Variants in VDAC1 observed in about 807,000 individuals in gnomAD.
VDAC1 encodes the protein voltage dependent anion channel 1, also known as non-selective voltage-gated ion channel VDAC1.
Under a neutral mutation model 34.7 loss-of-function variants are expected in VDAC1, and 10 were observed. The observed-to-expected ratio is 0.29, with a 90% CI of 0.18 to 0.49. The LOEUF is 0.49. Among genes scored for constraint, VDAC1 ranks in the 20% least tolerant of loss-of-function variants. The pLI is 0.99. For missense variants in VDAC1, 230 were observed against 347.9 expected (o/e 0.66, Z 2.69); for synonymous variants, 130 against 136.0 (o/e 0.96, Z 0.30).
chr5:134,015,420 C>A, the VDAC1 span, among the ~76,000 whole-genome samples: 1 of 152,076 alleles, frequency 6.6e-6, no homozygotes, highest in Non-Finnish European at 1.5e-5. Flanking sequence ...AGAGCAAGCC[C>A]ACAACACACA....
At chr5:134,021,180 C>A in the VDAC1 span, among the ~76,000 whole-genome samples, 1 of 147,446 alleles carries the variant, frequency 6.8e-6, no homozygotes, top group African/African-American at 2.5e-5. Context: ...CAGAATGAGA[C>A]CTTGTCTTTT....
At chr5:134,092,798 T>C in the VDAC1 span, among the ~76,000 whole-genome samples, 1 of 152,108 alleles carries the variant, frequency 6.6e-6, no homozygotes, top group South Asian at 2.1e-4. Flanking sequence ...ACAAAGGTAT[T>C]ATACTTATAG....
At chr5:133,980,651 A>AAC (rs1363391132) in intron 6 of VDAC1, 78 bp downstream of exon 6, 1 of 991,546 alleles carries the variant, frequency 1.0e-6, no homozygotes, top group Non-Finnish European at 1.4e-6. Context: ...AAAAAAAAAA[A>AAC]AACAGTGAAA....
At chr5:134,056,334 G>T in the VDAC1 span, among the ~76,000 whole-genome samples, 1 of 151,002 alleles carries the variant, frequency 6.6e-6, no homozygotes, top group Non-Finnish European at 1.5e-5. Context: ...ACATAAAGAT[G>T]TGCAGCTATG....
At chr5:134,039,597 G>A in the VDAC1 span, among the ~76,000 whole-genome samples, 7 of 152,294 alleles carry the variant, frequency 4.6e-5, no homozygotes, top group South Asian at 4.1e-4. Flanking sequence ...CCAAAGTGCT[G>A]GGATTACAGG....
At chr5:134,025,188 C>T in the VDAC1 span, among the ~76,000 whole-genome samples, 2 of 152,200 alleles carry the variant, frequency 1.3e-5, no homozygotes, top group African/African-American at 4.8e-5. Context: ...CTGCTTCTGG[C>T]ATGGCCCTCA....
At chr5:134,038,982 A>G in the VDAC1 span, among the ~76,000 whole-genome samples, 2 of 152,252 alleles carry the variant, frequency 1.3e-5, no homozygotes, top group Middle Eastern at 3.4e-3. Flanking sequence ...GTAAAGGCCC[A>G]GTAATAGACA....
the VDAC1 span, among the ~76,000 whole-genome samples, chr5:134,032,590 C>T: frequency 2.6e-5 from 4 of 152,160 alleles, no homozygotes; most frequent in East Asian, 5.8e-4. Flanking sequence ...GAATGAGCCA[C>T]GGTATGACCC....
chr5:134,029,175 G>A, the VDAC1 span, among the ~76,000 whole-genome samples: 2 of 152,212 alleles, frequency 1.3e-5, no homozygotes, highest in Non-Finnish European at 2.9e-5. Context: ...CCATGTGAGT[G>A]AGCCACCTTG....
upstream of VDAC1, among the ~76,000 whole-genome samples, chr5:134,007,430 G>A (rs3776843): frequency 0.2 from 30,902 of 151,986 alleles, 3,442 homozygotes; most frequent in East Asian, 0.45. Flanking sequence ...GCAAGTTCCC[G>A]TCTCAAGAAA....
chr5:134,044,588 C>T, the VDAC1 span, among the ~76,000 whole-genome samples: 1 of 152,056 alleles, frequency 6.6e-6, no homozygotes, highest in South Asian at 2.1e-4. Context: ...TGTCTGTGTG[C>T]ACATACCCAT....
upstream of VDAC1, among the ~76,000 whole-genome samples, chr5:134,008,005 C>A (rs1753783209): frequency 6.6e-6 from 1 of 152,132 alleles, no homozygotes; most frequent in South Asian, 2.1e-4. Context: ...TTTCCCTCTC[C>A]TTTTGGTCAG....
At chr5:134,035,805 G>C in the VDAC1 span, among the ~76,000 whole-genome samples, 2 of 152,018 alleles carry the variant, frequency 1.3e-5, no homozygotes, top group African/African-American at 2.4e-5. Context: ...AGGAGTTCAA[G>C]ACCAGCCTGG....
At chr5:133,975,659 G>A (rs759867319) in intron 7 of VDAC1, among the ~76,000 whole-genome samples, 1 of 151,834 alleles carries the variant, frequency 6.6e-6, no homozygotes, top group Non-Finnish European at 1.5e-5. Flanking sequence ...GGGTTTCACC[G>A]TGTTGGCGAG....
the VDAC1 span, among the ~76,000 whole-genome samples, chr5:134,016,691 G>GA: frequency 2.6e-5 from 4 of 152,274 alleles, no homozygotes; most frequent in East Asian, 7.7e-4. Context: ...CAGGGAGCAT[G>GA]AAAAATAGAA....
chr5:134,059,801 C>T, the VDAC1 span, among the ~76,000 whole-genome samples: 5 of 151,944 alleles, frequency 3.3e-5, no homozygotes, highest in African/African-American at 1.2e-4. Context: ...AACTTAAATG[C>T]TACCCAAATT....
chr5:134,108,533 G>C, the VDAC1 span, among the ~76,000 whole-genome samples: 1 of 152,194 alleles, frequency 6.6e-6, no homozygotes, highest in Non-Finnish European at 1.5e-5. Flanking sequence ...TCCTGGGCTG[G>C]AGAGGGGTGA....
the VDAC1 span, among the ~76,000 whole-genome samples, chr5:134,055,392 G>A: frequency 6.6e-6 from 1 of 152,050 alleles, no homozygotes; most frequent in South Asian, 2.1e-4. Context: ...CTCGTGACAT[G>A]TGAGGACAAG....
At chr5:134,064,990 G>C in the VDAC1 span, among the ~76,000 whole-genome samples, 50 of 152,118 alleles carry the variant, frequency 3.3e-4, no homozygotes, top group African/African-American at 1.1e-3. Context: ...AAAGTGCTGG[G>C]ATTATAGGCA....
Sources: allele counts gnomAD v4.1 joint callset (sites outside exome capture counted in the v4.1 genomes callset), GRCh38; gene constraint gnomAD v4.1.1; transcripts MANE v1.5; gene names NCBI Gene and HGNC (gene_info 2026-07-23, HGNC 2026-07-21).